OR2L13: variants seen among roughly 807,000 people sequenced by gnomAD.
OR2L13 encodes olfactory receptor family 2 subfamily L member 13.
OR2L13 carries 14 observed loss-of-function variants against 15.3 expected under a neutral mutation model. That is an observed-to-expected ratio of 0.91 (90% CI 0.60 to 1.43). The LOEUF (loss-of-function observed/expected upper bound fraction) is 1.43, where lower values mean the gene tolerates loss of function less well. Ranked by LOEUF, OR2L13 falls within the 40% of genes most tolerant of loss-of-function variation. OR2L13 has a pLI of 0.00. For missense variants in OR2L13, 367 were observed against 387.9 expected (o/e 0.95, Z 0.45); for synonymous variants, 152 against 142.9 (o/e 1.06, Z -0.45).
the OR2L13 span, among the ~76,000 whole-genome samples, chr1:248,074,683 T>C: frequency 1.3e-5 from 2 of 151,856 alleles, no homozygotes; most frequent in African/African-American, 4.8e-5. Flanking sequence ...ACTAAAGAGG[T>C]TAAGGAGAGG....
At chr1:248,053,310 T>C in the OR2L13 span, among the ~76,000 whole-genome samples, 3 of 152,230 alleles carry the variant, frequency 2.0e-5, no homozygotes, top group African/African-American at 4.8e-5. Context: ...CTGTATAGTA[T>C]TCCATTGTGT....
the OR2L13 span, among the ~76,000 whole-genome samples, chr1:248,083,122 C>T: frequency 6.6e-6 from 1 of 152,044 alleles, no homozygotes; most frequent in South Asian, 2.1e-4. Flanking sequence ...TGTACCTCCC[C>T]TTTTTCATGC....
At chr1:247,990,291 A>T in the OR2L13 span, 3 of 1,022,540 alleles carry the variant, frequency 2.9e-6, no homozygotes, top group East Asian at 2.4e-5. Flanking sequence ...TCAAACATCA[A>T]CTGCTTTCAT....
At chr1:248,043,068 C>G in the OR2L13 span, among the ~76,000 whole-genome samples, 1 of 152,166 alleles carries the variant, frequency 6.6e-6, no homozygotes, top group African/African-American at 2.4e-5. Context: ...CTTGCTCCTT[C>G]TGGGTGCCAT....
At chr1:248,090,388 G>A (rs1333882321), upstream of OR2L13, among the ~76,000 whole-genome samples, 1 of 145,546 alleles carries the variant, frequency 6.9e-6, no homozygotes, top group Non-Finnish European at 1.5e-5. Context: ...AGATTATTTT[G>A]TCATGCAGGT....
At chr1:247,977,459 G>T in the OR2L13 span, among the ~76,000 whole-genome samples, 18 of 152,210 alleles carry the variant, frequency 1.2e-4, no homozygotes, top group Non-Finnish European at 1.5e-5. Context: ...TCATGGGAAT[G>T]ATTCCTGTAG....
the OR2L13 span, among the ~76,000 whole-genome samples, chr1:247,950,649 A>G: frequency 7.2e-5 from 11 of 152,194 alleles, no homozygotes; most frequent in African/African-American, 2.2e-4. Flanking sequence ...TGTCAGGCAC[A>G]GAAAGACAGA....
the OR2L13 span, chr1:247,975,516 A>G: frequency 8.7e-6 from 9 of 1,039,224 alleles, no homozygotes; most frequent in African/African-American, 7.9e-5. Flanking sequence ...GATACCTGCA[A>G]TCTCCAACAG....
the OR2L13 span, among the ~76,000 whole-genome samples, chr1:248,073,221 C>T: frequency 0.09 from 13,615 of 152,078 alleles, 788 homozygotes; most frequent in African/African-American, 0.17. Context: ...GACTTGCAAC[C>T]AACCCAAATG....
At chr1:248,055,916 G>A in the OR2L13 span, 10 of 152,012 alleles carry the variant, frequency 6.6e-5, no homozygotes, top group African/African-American at 2.4e-4. Flanking sequence ...TTTTTCCTTT[G>A]GTAAGCTATT....
the OR2L13 span, among the ~76,000 whole-genome samples, chr1:247,953,949 A>AT: frequency 6.6e-6 from 1 of 151,246 alleles, no homozygotes; most frequent in African/African-American, 2.4e-5. Context: ...TTTCTTTGTA[A>AT]TTTTTTCTGC....
the OR2L13 span, chr1:248,038,352 C>G: frequency 5.6e-6 from 9 of 1,613,164 alleles, no homozygotes; most frequent in African/African-American, 2.7e-5. Flanking sequence ...CGTATTCACC[C>G]TCATTTTTCT....
the OR2L13 span, among the ~76,000 whole-genome samples, chr1:247,938,724 A>G: frequency 6.6e-6 from 1 of 152,198 alleles, no homozygotes; most frequent in Admixed American, 6.5e-5. Flanking sequence ...GCATGGTTCA[A>G]TCAGTGTGGG....
the OR2L13 span, chr1:248,061,567 G>A: frequency 6.2e-7 from 1 of 1,613,728 alleles, no homozygotes; most frequent in Non-Finnish European, 8.5e-7. Flanking sequence ...GAACAAGGAG[G>A]TGATGGGGGC....
chr1:248,054,165 T>C, the OR2L13 span, among the ~76,000 whole-genome samples: 1 of 152,236 alleles, frequency 6.6e-6, no homozygotes. Flanking sequence ...CAGTTTCTAT[T>C]TTCTGCATAT....
chr1:248,063,793 C>CGT, the OR2L13 span, among the ~76,000 whole-genome samples: 327 of 146,596 alleles, frequency 2.2e-3, 2 homozygotes, highest in African/African-American at 7.2e-3. Flanking sequence ...AAGATGTGTG[C>CGT]GTGTGTGTGT....
the OR2L13 span, among the ~76,000 whole-genome samples, chr1:248,054,182 C>A: frequency 5.3e-5 from 8 of 152,280 alleles, no homozygotes; most frequent in Admixed American, 2.6e-4. Flanking sequence ...ATATGGCTAG[C>A]CAGTTCTCCC....
the OR2L13 span, among the ~76,000 whole-genome samples, chr1:248,043,333 G>A: frequency 6.6e-6 from 1 of 152,284 alleles, no homozygotes; most frequent in South Asian, 2.1e-4. Context: ...GATACATAAA[G>A]GATGGTAAGT....
chr1:248,035,342 G>A, the OR2L13 span, among the ~76,000 whole-genome samples: 1 of 152,028 alleles, frequency 6.6e-6, no homozygotes, highest in Non-Finnish European at 1.5e-5. Flanking sequence ...CCAGCTACTT[G>A]AGAGGCTGAG....
Sources: gnomAD v4.1 joint callset for allele counts (sites outside exome capture counted in the v4.1 genomes callset) on GRCh38, gnomAD v4.1.1 for gene constraint, MANE v1.5 for transcripts, NCBI Gene and HGNC (gene_info 2026-07-23, HGNC 2026-07-21) for gene names.